ST6GALNAC3: variants seen among roughly 807,000 people sequenced by gnomAD.
The protein encoded by ST6GALNAC3 is alpha-N-acetylgalactosaminide alpha-2,6-sialyltransferase 3.
ST6GALNAC3 carries 25 observed loss-of-function variants against 32.7 expected under a neutral mutation model. The observed-to-expected ratio is 0.76, with a 90% CI of 0.56 to 1.07. The LOEUF is 1.07. ST6GALNAC3 is among the 50% of genes least tolerant of loss of function. The pLI is 0.00. For synonymous variants in ST6GALNAC3, 129 were observed against 133.1 expected (o/e 0.97, Z 0.21); for missense variants, 355 against 382.4 (o/e 0.93, Z 0.60).
At chr1:76,143,574 T>C (rs1286583060) in intron 1 of ST6GALNAC3, among the ~76,000 whole-genome samples, 1 of 152,216 alleles carries the variant, frequency 6.6e-6, no homozygotes, top group Non-Finnish European at 1.5e-5. Flanking sequence ...TCAAATTCTC[T>C]TGGAATATAA....
At chr1:76,372,006 C>A (rs1404556284) in intron 2 of ST6GALNAC3, among the ~76,000 whole-genome samples, 1 of 152,150 alleles carries the variant, frequency 6.6e-6, no homozygotes, top group African/African-American at 2.4e-5. Context: ...TCTACCTTTG[C>A]AAACATTTAA....
In ST6GALNAC3 at chr1:76,592,995, CTCCT is replaced by C. The variant is rs1487255208; in HGVS notation, c.624-34455_624-34452del. Among the ~76,000 whole-genome samples, 73 of 144,356 alleles carry C rather than the reference CTCCT, an allele frequency of 5.1e-4. 1 individual carries two copies. Among genetic ancestry groups the C allele is most frequent in the African/African-American group, 1.9e-3 (70 of 36,116 alleles). 94.7% of individuals were successfully genotyped at this position (144,356 alleles called of 152,430 possible). A position where few individuals can be genotyped will look rare whatever the true frequency, so the allele number is the denominator to read the frequency against. ...AAGAACCAGAAATACTCATTTTGTC[CTCCT>C]TTTTTTTTTGTTTAATGTATATGCA... On this transcript the variant is annotated intron_variant, in intron 3 of 4. Coordinates refer to ENST00000328299, the MANE Select transcript of ST6GALNAC3 (RefSeq NM_152996.4).
At chr1:76,262,610 T>C (rs913560039) in intron 1 of ST6GALNAC3, among the ~76,000 whole-genome samples, 6 of 152,136 alleles carry the variant, frequency 3.9e-5, no homozygotes, top group African/African-American at 1.2e-4. Context: ...AAAGCTGGAA[T>C]GGAGGAAAGC....
intron 1 of ST6GALNAC3, among the ~76,000 whole-genome samples, chr1:76,281,780 A>G (rs1659510952): frequency 6.6e-6 from 1 of 152,204 alleles, no homozygotes; most frequent in Non-Finnish European, 1.5e-5. Flanking sequence ...AGGAATTTTC[A>G]AGGCAAAGTG....
intron 2 of ST6GALNAC3, among the ~76,000 whole-genome samples, chr1:76,407,441 A>C (rs1478355688): frequency 1.3e-5 from 2 of 152,072 alleles, no homozygotes; most frequent in Non-Finnish European, 2.9e-5. Flanking sequence ...AAACAAATAC[A>C]GTGCTGTTAC....
At chr1:76,490,593 A>G (rs1385765647) in intron 3 of ST6GALNAC3, among the ~76,000 whole-genome samples, 1 of 151,608 alleles carries the variant, frequency 6.6e-6, no homozygotes, top group Non-Finnish European at 1.5e-5. Flanking sequence ...CTCTCCCTTT[A>G]AAATATATTC....
intron 1 of ST6GALNAC3, among the ~76,000 whole-genome samples, chr1:76,173,597 T>C (rs1403796603): frequency 3.9e-5 from 6 of 151,998 alleles, no homozygotes; most frequent in African/African-American, 1.4e-4. Flanking sequence ...CTGACAAAGG[T>C]CTAATATCCA....
chr1:76,168,418 G>A (rs927032439), intron 1 of ST6GALNAC3, among the ~76,000 whole-genome samples: 1 of 152,126 alleles, frequency 6.6e-6, no homozygotes, highest in South Asian at 2.1e-4. Flanking sequence ...ATCAATTTTA[G>A]AGTAAGTGCC....
At chr1:76,210,445 C>T in intron 1 of ST6GALNAC3, among the ~76,000 whole-genome samples, 1 of 152,280 alleles carries the variant, frequency 6.6e-6, no homozygotes, top group Non-Finnish European at 1.5e-5. Flanking sequence ...TGAACCTTAT[C>T]TATATTGAAC....
At chr1:76,216,074 T>C (rs79476560) in intron 1 of ST6GALNAC3, among the ~76,000 whole-genome samples, 259 of 152,304 alleles carry the variant, frequency 1.7e-3, no homozygotes, top group African/African-American at 5.9e-3. Flanking sequence ...CACACTGGTC[T>C]CATAGATGTT....
chr1:76,127,173 T>C (rs1889751), intron 1 of ST6GALNAC3, among the ~76,000 whole-genome samples: 33,563 of 152,142 alleles, frequency 0.22, 4,707 homozygotes, highest in South Asian at 0.35. Flanking sequence ...GTTGTATAAA[T>C]GAGGAAGCTG....
intron 3 of ST6GALNAC3, among the ~76,000 whole-genome samples, chr1:76,474,315 A>C (rs1659214155): frequency 6.6e-6 from 1 of 152,218 alleles, no homozygotes; most frequent in African/African-American, 2.4e-5. Flanking sequence ...GATGTCAGGC[A>C]ATGAGCTGGA....
At chr1:76,374,731 A>G (rs1042362150) in intron 2 of ST6GALNAC3, among the ~76,000 whole-genome samples, 1 of 152,128 alleles carries the variant, frequency 6.6e-6, no homozygotes, top group Middle Eastern at 3.2e-3. Flanking sequence ...CATGTTATTT[A>G]CCTATTGTAC....
intron 3 of ST6GALNAC3, among the ~76,000 whole-genome samples, chr1:76,564,972 TC>T (rs886385450): frequency 1.7e-4 from 26 of 152,178 alleles, no homozygotes; most frequent in African/African-American, 6.0e-4. Flanking sequence ...TATTTTTGAT[TC>T]CACTTAAAAT....
At chr1:76,575,105 A>C (rs532621329) in intron 3 of ST6GALNAC3, among the ~76,000 whole-genome samples, 1 of 152,262 alleles carries the variant, frequency 6.6e-6, no homozygotes, top group South Asian at 2.1e-4. Context: ...TGTCTTGGAG[A>C]AGCCAGTGAT....
At chr1:76,314,083 C>G in intron 2 of ST6GALNAC3, 84 bp downstream of exon 2, 1 of 1,338,322 alleles carries the variant, frequency 7.5e-7, no homozygotes, top group Non-Finnish European at 1.0e-6. Flanking sequence ...TTCCAACTCA[C>G]TGAACTTACT....
chr1:76,295,091 A>AT (rs11373156), intron 1 of ST6GALNAC3, among the ~76,000 whole-genome samples: 43,575 of 148,766 alleles, frequency 0.29, 7,876 homozygotes, highest in Non-Finnish European at 0.41. Context: ...ACCAGTGGGC[A>AT]TTTTTTTTTT....
At chr1:76,501,349 G>T (rs1441188635) in intron 3 of ST6GALNAC3, among the ~76,000 whole-genome samples, 2 of 152,210 alleles carry the variant, frequency 1.3e-5, no homozygotes, top group Non-Finnish European at 2.9e-5. Flanking sequence ...ATTGTGGTTT[G>T]CAAGGCAAAT....
rs111877768 is a variant in ST6GALNAC3 at position 76,480,748 on chromosome 1, G to A, written c.623+68331G>A. Among the ~76,000 whole-genome samples, 1,282 of 152,220 alleles carry A rather than the reference G, an allele frequency of 8.4e-3. 19 individuals are homozygous for A. Among genetic ancestry groups the A allele is most frequent in the African/African-American group, 0.029 (1,221 of 41,538 alleles). On this transcript the variant is annotated intron_variant, in intron 3 of 4. Transcript: ENST00000328299. ...AATAACATATATGACAGAGATGATA[G>A]AGGTAATAATAATAAGTAATCACTC...
Sources: gnomAD v4.1 joint callset for allele counts (sites outside exome capture counted in the v4.1 genomes callset) on GRCh38, gnomAD v4.1.1 for gene constraint, MANE v1.5 for transcripts, NCBI Gene and HGNC (gene_info 2026-07-23, HGNC 2026-07-21) for gene names.